The following ESRRB variants were observed in gnomAD, a reference collection of about 807,000 sequenced individuals.
The protein encoded by ESRRB is estrogen related receptor beta.
In ESRRB, 16 loss-of-function variants were observed where a neutral mutation model predicts 46.0. The observed-to-expected ratio is 0.35, with a 90% confidence interval of 0.24 to 0.53. ESRRB has a LOEUF of 0.53. ESRRB is among the 20% of genes least tolerant of loss of function. The pLI, the probability that ESRRB is intolerant of heterozygous loss-of-function variation, is 0.93. For synonymous variants in ESRRB, 246 were observed against 259.6 expected, an observed-to-expected ratio of 0.95 and a Z score of 0.50; for missense variants, 488 against 607.4, an observed-to-expected ratio of 0.80 and a Z score of 2.07.
In ESRRB at chr14:76,499,149, T is replaced by TC. The variant is rs72127295; in HGVS notation, c.*697dup. 0.23 allele frequency: 68,679 copies of TC among 301,604 alleles called. 8,293 individuals are homozygous for TC. Among genetic ancestry groups the TC allele is most frequent in the South Asian group, 0.38 (12,906 of 33,536 alleles). 18.7% of individuals were successfully genotyped at this position (301,604 alleles called of 1,614,324 possible). A position where few individuals can be genotyped will look rare whatever the true frequency, so the allele number is the denominator to read the frequency against. On this transcript the variant is annotated 3_prime_UTR_variant, in exon 7 of 7. Transcript: ENST00000644823. ...TCCACCTGTCCTCCTCCTCTTCTCC[T>TC]CCCCCCGGGAGTCCCCCGCTACTTC...
At chr14:76,331,113 A>G (rs1449414938) in intron 1 of ESRRB, among the ~76,000 whole-genome samples, 1 of 151,946 alleles carries the variant, frequency 6.6e-6, no homozygotes, top group Non-Finnish European at 1.5e-5. Flanking sequence ...TCGCCTCCCC[A>G]TACTCCTCCC....
intron 1 of ESRRB, among the ~76,000 whole-genome samples, chr14:76,427,799 T>TA (rs1178420702): frequency 2.6e-5 from 4 of 152,126 alleles, no homozygotes; most frequent in African/African-American, 7.2e-5. Context: ...CTACGATGAA[T>TA]ACTATAATTC....
In ESRRB at chr14:76,360,719, G is replaced by T. The variant is rs556983874; in HGVS notation, c.2+49803G>T. 2.8e-4 allele frequency among the ~76,000 whole-genome samples: 43 copies of T among 152,268 alleles called. No homozygotes were observed. The South Asian group carries it at 8.7e-3, about 31-fold the overall frequency. On this transcript the variant is annotated intron_variant, in intron 1 of 6. Transcript: ENST00000512784. ...ATAACCCCAAGTCCATTGCCTTGCA[G>T]ACTGCTTTATCAGAGGGCTCCCTCC...
intron 1 of ESRRB, among the ~76,000 whole-genome samples, chr14:76,423,838 G>A (rs1263739905): frequency 1.3e-5 from 2 of 151,524 alleles, no homozygotes; most frequent in Non-Finnish European, 2.9e-5. Context: ...AGCGTGATTG[G>A]TGTAGTCAAG....
Position 76,500,342 on chromosome 14 carries a change from C to G in ESRRB, c.*1884C>G, listed in dbSNP as rs1890616551. On this transcript the variant is annotated 3_prime_UTR_variant, in exon 7 of 7. Transcript: ENST00000644823. ...GTCTGAGTCACTTGATGAGTAGGCA[C>G]TGGAGCCGTTACCCAGGATGCTGCG... 1 of 586,624 alleles carries G rather than the reference C, an allele frequency of 1.7e-6. No individual in the cohort carries two copies. Among genetic ancestry groups the G allele is most frequent in the African/African-American group, 1.9e-5 (1 of 53,700 alleles). The allele number at this position is 586,624 out of a possible 1,614,324, so 36.3% of individuals were successfully genotyped here.
intron 1 of ESRRB, among the ~76,000 whole-genome samples, chr14:76,337,079 G>A (rs746263512): frequency 6.6e-6 from 1 of 152,064 alleles, no homozygotes; most frequent in African/African-American, 2.4e-5. Flanking sequence ...AGGTAGGAAC[G>A]GACTAGGGGT....
chr14:76,325,838 C>T (rs11625395), intron 1 of ESRRB, among the ~76,000 whole-genome samples: 8,207 of 152,274 alleles, frequency 0.054, 312 homozygotes, highest in Middle Eastern at 0.15. Flanking sequence ...TCTAGACGGC[C>T]CAGCTCATCC....
At chr14:76,345,978 A>C (rs1884245076) in intron 1 of ESRRB, among the ~76,000 whole-genome samples, 1 of 152,134 alleles carries the variant, frequency 6.6e-6, no homozygotes, top group Non-Finnish European at 1.5e-5. Context: ...CCAGAAGTCC[A>C]AAATCAAGGT....
At chr14:76,400,387 G>T (rs927586179) in intron 1 of ESRRB, among the ~76,000 whole-genome samples, 1 of 152,188 alleles carries the variant, frequency 6.6e-6, no homozygotes, top group Non-Finnish European at 1.5e-5. Flanking sequence ...TCTGAAGACC[G>T]TTGCAGATTT....
chr14:76,436,977 T>C (rs766579170), intron 1 of ESRRB, among the ~76,000 whole-genome samples: 2 of 152,108 alleles, frequency 1.3e-5, no homozygotes, highest in Non-Finnish European at 2.9e-5. Context: ...TATGGGAAAG[T>C]GAGTTCCTTG....
intron 3 of ESRRB, among the ~76,000 whole-genome samples, chr14:76,465,272 C>T (rs1012017463): frequency 2.0e-5 from 3 of 152,238 alleles, no homozygotes; most frequent in Admixed American, 1.3e-4. Flanking sequence ...CCCCATGGCA[C>T]AGCACAGGGA....
chr14:76,407,793 C>T (rs1482757125), intron 1 of ESRRB, among the ~76,000 whole-genome samples: 3 of 152,240 alleles, frequency 2.0e-5, no homozygotes, highest in African/African-American at 7.2e-5. Context: ...GGATGCTGAG[C>T]AGCCAAAGCC....
At chr14:76,339,799 C>T (rs537682884) in intron 1 of ESRRB, among the ~76,000 whole-genome samples, 58 of 152,290 alleles carry the variant, frequency 3.8e-4, no homozygotes, top group African/African-American at 1.3e-3. Flanking sequence ...AGGAATGGTT[C>T]AAAAGGCTAT....
chr14:76,435,380 A>G (rs2139923134), intron 1 of ESRRB, among the ~76,000 whole-genome samples: 1 of 152,346 alleles, frequency 6.6e-6, no homozygotes, highest in Non-Finnish European at 1.5e-5. Context: ...GTGTTGGCTT[A>G]GTGTCTGTTG....
chr14:76,365,404 A>G (rs1378508909), intron 1 of ESRRB, among the ~76,000 whole-genome samples: 1 of 152,210 alleles, frequency 6.6e-6, no homozygotes, highest in Non-Finnish European at 1.5e-5. Context: ...ACTTGAGCCC[A>G]GGAGATTAAG....
rs1887807757 is a variant in ESRRB at position 76,439,285 on chromosome 14, C to T, written c.51-56C>T. On this transcript the variant is annotated intron_variant, in intron 1 of 6. Transcript: ENST00000644823. ...GCCACCCTACCTGCGGGGCTGGACC[C>T]GCCCACCACACCCACAGCACCTTGC... 1.9e-6 allele frequency: 3 copies of T among 1,599,050 alleles called. No homozygotes were observed. The Admixed American group carries it at 5.0e-5, about 27-fold the overall frequency.
At chr14:76,493,352 G>C (rs112184311) in intron 6 of ESRRB, among the ~76,000 whole-genome samples, 3,495 of 151,914 alleles carry the variant, frequency 0.023, 60 homozygotes, top group Non-Finnish European at 0.034. Context: ...ACGGGGTTTC[G>C]CTATGTTGCC....
intron 1 of ESRRB, among the ~76,000 whole-genome samples, chr14:76,404,786 AG>A (rs1405660915): frequency 1.3e-5 from 2 of 152,178 alleles, no homozygotes; most frequent in Admixed American, 6.5e-5. Flanking sequence ...TTGGCCACTG[AG>A]GTCCTTAACT....
chr14:76,425,686 A>C (rs1161850987), intron 1 of ESRRB, among the ~76,000 whole-genome samples: 2 of 152,052 alleles, frequency 1.3e-5, no homozygotes, highest in African/African-American at 2.4e-5. Context: ...CCCCTGACCC[A>C]CCACGCTGTG....
Sources: allele counts gnomAD v4.1 joint callset (sites outside exome capture counted in the v4.1 genomes callset), GRCh38; gene constraint gnomAD v4.1.1; transcripts MANE v1.5; gene names NCBI Gene and HGNC (gene_info 2026-07-23, HGNC 2026-07-21).